Variants in PPEF2 observed in about 807,000 individuals in gnomAD.
PPEF2 encodes the protein serine/threonine-protein phosphatase with EF-hands 2.
A neutral mutation model predicts 84.7 loss-of-function variants in PPEF2; 84 were observed. That is an observed-to-expected ratio of 0.99 (90% CI 0.83 to 1.19). The LOEUF is 1.19. Among genes scored for constraint, PPEF2 ranks in the 50% most tolerant of loss-of-function variants. PPEF2 has a pLI of 0.00. For synonymous variants in PPEF2, 346 were observed against 345.2 expected, an observed-to-expected ratio of 1.00 and a Z score of -0.03; for missense variants, 924 against 937.5, an observed-to-expected ratio of 0.99 and a Z score of 0.19.
intron 2 of PPEF2, among the ~76,000 whole-genome samples, chr4:75,895,068 C>T (rs1724976368): frequency 6.6e-6 from 1 of 152,132 alleles, no homozygotes; most frequent in African/African-American, 2.4e-5. Flanking sequence ...AATCCTCCCA[C>T]CTCAGGCTCC....
chr4:75,901,159 T>C (rs1413352846), intron 1 of PPEF2, among the ~76,000 whole-genome samples: 1 of 152,194 alleles, frequency 6.6e-6, no homozygotes, highest in African/African-American at 2.4e-5. Context: ...AGGTATCCCA[T>C]ATGGCTGCTT....
chr4:75,872,108 A>C lies in PPEF2; in HGVS notation c.1566T>G (p.Tyr522Ter). Residue 522 changes from tyrosine to a stop codon, truncating the protein, a stop_gained, in exon 13 of 17, where the codon TAT (tyrosine) becomes TAG (stop). Transcript: ENST00000286719. LOFTEE classifies it high-confidence loss of function. ...YYEVGSNRGA[Y>*]VKLGPALTPH... is the part of the protein sequence containing the mutation. ...GGGTCAGGGCTGGCCCCAGTTTGAC[A>C]TAGGCCCCTCTGTTGCTGCCAACTT... The C allele has an allele frequency of 5.0e-6, 8 of 1,613,866 alleles. No individual in the cohort carries two copies. The highest frequency in any genetic ancestry group is 6.8e-6 in the Non-Finnish European group (8 of 1,179,808).
At chr4:75,883,817 CAAAAAA>C (rs35897623) in intron 8 of PPEF2, among the ~76,000 whole-genome samples, 2 of 60,702 alleles carry the variant, frequency 3.3e-5, no homozygotes, top group Non-Finnish European at 5.5e-5. Context: ...GACTCCGTCA[CAAAAAA>C]AAAAAAAAAA....
intron 1 of PPEF2, among the ~76,000 whole-genome samples, chr4:75,900,022 T>C (rs1725086636): frequency 1.3e-5 from 2 of 152,220 alleles, no homozygotes; most frequent in Non-Finnish European, 2.9e-5. Flanking sequence ...GGATCATAAA[T>C]GATATATTTA....
intron 4 of PPEF2, 37 bp from the exon 5 acceptor site, chr4:75,890,169 A>G: frequency 6.2e-7 from 1 of 1,607,802 alleles, no homozygotes; most frequent in Admixed American, 1.7e-5. Context: ...GCTTATGATC[A>G]TCTGATCATG....
chr4:75,871,890 G>C (rs1422217886), intron 13 of PPEF2, 135 bp downstream of exon 13: 2 of 890,704 alleles, frequency 2.2e-6, no homozygotes, highest in Non-Finnish European at 1.7e-6. Context: ...TGTATTAATA[G>C]AACTTCATGC....
Position 75,882,968 on chromosome 4 carries a change from G to C in PPEF2, c.891C>G (p.Asp297Glu), listed in dbSNP as rs561296324. ...KVLILHGGVS[D>E]ITDLELLDKI... The stretch of plus-strand genomic sequence containing the variant: ...TGTCCAAAAGCTCCAGATCAGTTAT[G>C]TCTGACACCCCACCATGAAGAATTA... Residue 297 changes from aspartate (D) to glutamate (E), a missense_variant, in exon 10 of 17, where the codon GAC becomes GAG. By Grantham distance (45) the Asp-to-Glu change is conservative. Transcript: ENST00000286719. The C allele has an allele frequency of 1.9e-6, 3 of 1,614,036 alleles. No individual in the cohort carries two copies. Among genetic ancestry groups the C allele is most frequent in the Non-Finnish European group, 2.5e-6 (3 of 1,180,026 alleles).
Position 75,860,679 on chromosome 4 carries a change from T to C in PPEF2, c.2250A>G (p.Pro750=), listed in dbSNP as rs1723975320. ...GACCAGGCTGTTCTTAGTGTGCACC[T>C]GGACTGCTGCAGCCACTGTCTTTAG... The part of the protein sequence containing the change: ...TNAKDSGCSS[P]GAH The change falls in exon 17 of 17, where the codon CCA becomes CCG. Residue 750 remains proline (P), a synonymous_variant. Coordinates refer to ENST00000286719, the MANE Select transcript of PPEF2 (RefSeq NM_006239.3). 1.2e-6 allele frequency: 2 copies of C among 1,614,000 alleles called. No homozygotes were observed. Among genetic ancestry groups the C allele is most frequent in the Admixed American group, 1.7e-5 (1 of 60,004 alleles).
chr4:75,865,929 CCT>C (rs148701471), intron 15 of PPEF2, among the ~76,000 whole-genome samples: 5,880 of 152,230 alleles, frequency 0.039, 155 homozygotes, highest in Non-Finnish European at 0.056. Context: ...AAGTTGCTAA[CCT>C]CTGTGGGCAG....
At chr4:75,897,306 T>C (rs1725032134) in intron 1 of PPEF2, among the ~76,000 whole-genome samples, 1 of 152,202 alleles carries the variant, frequency 6.6e-6, no homozygotes, top group Non-Finnish European at 1.5e-5. Flanking sequence ...TGCATTCTAG[T>C]CTCAAATATC....
At position 75,896,292 on chromosome 4, in the gene PPEF2, C is replaced by A. The variant is rs1449507261; in HGVS notation, c.34G>T (p.Ala12Ser). The A allele has an allele frequency of 6.2e-7, 1 of 1,614,198 alleles. No homozygotes were observed. The highest frequency in any genetic ancestry group is 8.5e-7 in the Non-Finnish European group (1 of 1,180,024). ...GSGTSTQHHFAFQNAERAFKA... is the reference protein window; with the variant it reads ...GSGTSTQHHFSFQNAERAFKA... Reference sequence around the variant, plus strand: ...GTACCTCTCTCTGCATTCTGGAAAGCAAAATGATGTTGGGTGGAGGTGCCG... The same window carrying A: ...GTACCTCTCTCTGCATTCTGGAAAGAAAAATGATGTTGGGTGGAGGTGCCG... The change falls in exon 2 of 17, where the codon GCT becomes TCT. Residue 12 changes from alanine to serine, a missense_variant. Ala to Ser is a moderately conservative substitution (Grantham distance 99). Transcript: ENST00000286719.
In PPEF2 at chr4:75,899,682, T is replaced by C. The variant is rs192056257; in HGVS notation, c.-59+2548A>G. ...TAAACAACCAGAGGAAAAAAGACTG[T>C]GATCTCTTTTTGTGTGCAAAATGGT... On this transcript the variant is annotated intron_variant, in intron 1 of 16. Coordinates refer to ENST00000286719, the MANE Select transcript of PPEF2 (RefSeq NM_006239.3). Among the ~76,000 whole-genome samples, 4 of 152,330 alleles carry C rather than the reference T, an allele frequency of 2.6e-5. No individual in the cohort carries two copies. In the East Asian group the frequency reaches 7.7e-4, roughly 29 times the overall value.
chr4:75,873,516 G>C (rs543837498), intron 11 of PPEF2, among the ~76,000 whole-genome samples: 1 of 152,196 alleles, frequency 6.6e-6, no homozygotes, highest in East Asian at 1.9e-4. Flanking sequence ...GAATGTGTGC[G>C]TGCCTACATA....
chr4:75,897,046 G>A (rs992433415), intron 1 of PPEF2, among the ~76,000 whole-genome samples: 1 of 152,058 alleles, frequency 6.6e-6, no homozygotes, highest in African/African-American at 2.4e-5. Context: ...GTAGAGACGG[G>A]GTTTCGCTGT....
chr4:75,890,743 C>T (rs1285421400), intron 4 of PPEF2, among the ~76,000 whole-genome samples: 1 of 152,160 alleles, frequency 6.6e-6, no homozygotes, highest in Non-Finnish European at 1.5e-5. Flanking sequence ...GGAAAAATCA[C>T]AGGTATTTAT....
At chr4:75,898,483 C>T (rs894690603) in intron 1 of PPEF2, among the ~76,000 whole-genome samples, 2 of 152,244 alleles carry the variant, frequency 1.3e-5, no homozygotes, top group African/African-American at 4.8e-5. Context: ...GTATCACCTT[C>T]CTTAAAGAAG....
intron 14 of PPEF2, among the ~76,000 whole-genome samples, chr4:75,866,888 T>C (rs1248786886): frequency 6.6e-6 from 1 of 152,252 alleles, no homozygotes; most frequent in Admixed American, 6.5e-5. Context: ...ATATATTTTG[T>C]CAATGTCCAT....
At chr4:75,873,033 G>A (rs1198520329) in intron 12 of PPEF2, 94 bp downstream of exon 12, 2 of 1,249,946 alleles carry the variant, frequency 1.6e-6, no homozygotes, top group Non-Finnish European at 2.2e-6. Context: ...TCTGTAGGTT[G>A]TTAGAAACTG....
intron 2 of PPEF2, among the ~76,000 whole-genome samples, chr4:75,895,429 A>G (rs1724986814): frequency 6.7e-6 from 1 of 148,814 alleles, no homozygotes; most frequent in Admixed American, 6.7e-5. Flanking sequence ...ACTCGGTCTC[A>G]AAAACAAAAA....
Sources: gnomAD v4.1 joint callset for allele counts (sites outside exome capture counted in the v4.1 genomes callset) on GRCh38, gnomAD v4.1.1 for gene constraint, MANE v1.5 for transcripts, NCBI Gene and HGNC (gene_info 2026-07-23, HGNC 2026-07-21) for gene names.